Variants in MAX observed in about 807,000 individuals in gnomAD.
MAX encodes the protein protein max.
A neutral mutation model predicts 22.3 loss-of-function variants in MAX; 3 were observed. The ratio of observed to expected loss-of-function variants is 0.13; its 90% CI spans 0.06 to 0.35. MAX has a LOEUF of 0.35. Among genes scored for constraint, MAX ranks in the 10% least tolerant of loss-of-function variants. MAX has a pLI of 1.00. For synonymous variants in MAX, 72 were observed against 77.7 expected, an observed-to-expected ratio of 0.93 and a Z score of 0.39; for missense variants, 119 against 209.4, an observed-to-expected ratio of 0.57 and a Z score of 2.66.
At chr14:65,021,025 C>T (rs1046202646) in intron 3 of MAX, among the ~76,000 whole-genome samples, 5 of 152,210 alleles carry the variant, frequency 3.3e-5, no homozygotes, top group South Asian at 2.1e-4. Context: ...CCACCGCACC[C>T]GGCCTAGCTT....
chr14:65,052,085 G>A (rs762944318), intron 3 of MAX, among the ~76,000 whole-genome samples: 2 of 152,044 alleles, frequency 1.3e-5, no homozygotes, highest in African/African-American at 4.8e-5. Context: ...ATAAGCCATC[G>A]TGCCTGGCCC....
rs1022714550 is a variant in MAX at position 65,012,845 on chromosome 14, A to C, written c.172-6561T>G. 6.6e-6 allele frequency among the ~76,000 whole-genome samples: 1 copy of C among 152,210 alleles called. No homozygotes were observed. The highest frequency in any genetic ancestry group is 1.5e-5 in the Non-Finnish European group (1 of 68,046). On this transcript the variant is annotated intron_variant, in intron 3 of 3. Coordinates refer to the MAX transcript ENST00000341653. This position sits in a 1 kb window ranked among gnomAD's most constrained non-coding sequence, Gnocchi z 5.0. ...CCTTCTAGTAAGTACATTACTTTTCATATCTTCATTAAAGAGACAAAAAAC... is the reference window on the plus strand; with the variant it reads ...CCTTCTAGTAAGTACATTACTTTTCCTATCTTCATTAAAGAGACAAAAAAC...
At chr14:65,039,798 A>G (rs2062303526) in intron 3 of MAX, among the ~76,000 whole-genome samples, 1 of 152,228 alleles carries the variant, frequency 6.6e-6, no homozygotes, top group Admixed American at 6.5e-5. Context: ...TTTTAAAAAT[A>G]ACGTTTATTT....
At chr14:65,041,515 G>A (rs1436003393) in intron 3 of MAX, among the ~76,000 whole-genome samples, 1 of 152,154 alleles carries the variant, frequency 6.6e-6, no homozygotes, top group Non-Finnish European at 1.5e-5. Context: ...GGCCACCAGG[G>A]AGAAGGCATT....
chr14:65,061,669 CCCACT>C, intron 3 of MAX: 58 of 204,340 alleles, frequency 2.8e-4, no homozygotes, highest in East Asian at 9.5e-4. Context: ...ACTGCTGACT[CCCACT>C]TGCACGCCAC....
chr14:65,036,728 C>T lies in MAX; in HGVS notation c.172-30444G>A, dbSNP rs542815587. On this transcript the variant is annotated intron_variant, in intron 3 of 3. Coordinates refer to the MAX transcript ENST00000341653. ...TTTTTGTGTGTGATGGAGTCTTGCT[C>T]TGTCACCCAGGTTGGAGTGCAGTGG... 8.0e-5 allele frequency among the ~76,000 whole-genome samples: 12 copies of T among 150,372 alleles called. No homozygotes were observed. In the East Asian group the frequency reaches 2.2e-3, roughly 28 times the overall value.
Position 65,088,037 on chromosome 14 carries a change from A to G in MAX, c.171+5671T>C, listed in dbSNP as rs2063388617. Among the ~76,000 whole-genome samples, 1 of 152,190 alleles carries G rather than the reference A, an allele frequency of 6.6e-6. No individual in the cohort carries two copies. The highest frequency in any genetic ancestry group is 2.4e-5 in the African/African-American group (1 of 41,446). ...TCTCTCTCTTTGCCTGCTGCCATCC[A>G]TGTAAGACATGACTTGCTCCTCCTT... On this transcript the variant is annotated intron_variant, in intron 3 of 4. Transcript: ENST00000358664. This position sits in a 1 kb window ranked among gnomAD's most constrained non-coding sequence, Gnocchi z 5.2.
chr14:65,063,681 T>C (rs1181468613), intron 3 of MAX, among the ~76,000 whole-genome samples: 1 of 152,004 alleles, frequency 6.6e-6, no homozygotes, highest in Non-Finnish European at 1.5e-5. Flanking sequence ...CTTCCTGCCT[T>C]AGCCTCCCAA....
In MAX at chr14:65,076,216, G is replaced by A. The variant is rs2063051408; in HGVS notation, c.*260C>T. The A allele has an allele frequency of 7.0e-7, 1 of 1,421,154 alleles. No individual in the cohort carries two copies. The highest frequency in any genetic ancestry group is 2.9e-5 in the Admixed American group (1 of 34,220). 88.0% of individuals were successfully genotyped at this position (1,421,154 alleles called of 1,614,324 possible). On this transcript the variant is annotated 3_prime_UTR_variant, in exon 5 of 5. Transcript: ENST00000358664. This position sits in a 1 kb window ranked among gnomAD's most constrained non-coding sequence, Gnocchi z 6.6. Reference sequence around the variant, plus strand: ...TCCACAGAAAAAGCTGCCAAGTTGGGGTGTTTTGGTTTAAAAATTCCTGTT... The same window carrying A: ...TCCACAGAAAAAGCTGCCAAGTTGGAGTGTTTTGGTTTAAAAATTCCTGTT...
At chr14:65,043,828 C>CAA (rs749243788) in intron 3 of MAX, among the ~76,000 whole-genome samples, 1,647 of 64,192 alleles carry the variant, frequency 0.026, 170 homozygotes, top group Non-Finnish European at 0.03. Flanking sequence ...GACTCCGTCT[C>CAA]AAAAAAAAAA....
chr14:65,035,434 C>T (rs2062166525), intron 3 of MAX, among the ~76,000 whole-genome samples: 1 of 152,188 alleles, frequency 6.6e-6, no homozygotes, highest in Admixed American at 6.5e-5. Context: ...ACTGGTTAGG[C>T]ACAGACTAGA....
chr14:65,027,263 G>A lies in MAX; in HGVS notation c.172-20979C>T. ...TACGAAACTCAGAGGAGGGCAGACA[G>A]AAATGATGATAGCTGGAGAGAGAAT... On this transcript the variant is annotated intron_variant, in intron 3 of 3. Transcript: ENST00000341653. This position sits in a 1 kb window ranked among gnomAD's most constrained non-coding sequence, Gnocchi z 5.7. The A allele has an allele frequency of 1.1e-6, 1 of 880,712 alleles. No individual in the cohort carries two copies. Among genetic ancestry groups the A allele is most frequent in the Non-Finnish European group, 1.7e-6 (1 of 591,566 alleles). 54.6% of individuals were successfully genotyped at this position (880,712 alleles called of 1,614,324 possible). A position where few individuals can be genotyped will look rare whatever the true frequency, so the allele number is the denominator to read the frequency against.
rs1194923667 is a variant in MAX, at chr14:65,009,346, C to T, written c.172-3062G>A. On this transcript the variant is annotated intron_variant, in intron 3 of 3. Coordinates refer to the MAX transcript ENST00000341653. The surrounding 1 kb of genome is among the most constrained non-coding windows in gnomAD (Gnocchi z 4.2). ...ATGTTATATTTCTTAATTTCACTGG[C>T]GCTTCACTAACTGCCTTATAATCCT... Among the ~76,000 whole-genome samples, 1 of 151,988 alleles carries T rather than the reference C, an allele frequency of 6.6e-6. No individual in the cohort carries two copies. Among genetic ancestry groups the T allele is most frequent in the African/African-American group, 2.4e-5 (1 of 41,270 alleles).
At chr14:65,049,063 G>A (rs1226657998) in intron 3 of MAX, among the ~76,000 whole-genome samples, 1 of 151,922 alleles carries the variant, frequency 6.6e-6, no homozygotes, top group Non-Finnish European at 1.5e-5. Context: ...GGAGGCGGAG[G>A]TTGCAGTGAG....
intron 3 of MAX, among the ~76,000 whole-genome samples, chr14:65,085,546 A>C (rs1290918136): frequency 6.6e-6 from 1 of 152,196 alleles, no homozygotes; most frequent in Non-Finnish European, 1.5e-5. Context: ...TCCCAGAAGG[A>C]ATAATTAGAT....
chr14:65,055,292 C>T (rs1041166045), intron 3 of MAX, among the ~76,000 whole-genome samples: 1 of 152,152 alleles, frequency 6.6e-6, no homozygotes, highest in South Asian at 2.1e-4. Flanking sequence ...TGCTCTGAGC[C>T]TAGACGTGAG....
rs976791126 is a variant in MAX, at chr14:65,102,407, A to C, written c.-68T>G. 2 of 1,580,798 alleles carry C rather than the reference A, an allele frequency of 1.3e-6. No individual in the cohort carries two copies. Among genetic ancestry groups the C allele is most frequent in the African/African-American group, 2.7e-5 (2 of 73,894 alleles). Reference sequence around the variant, plus strand: ...GGGGAAGGGGTGAAGGGGAGGGGGAAGTCACCGACAACAACAAGCCGAGTC... The same window carrying C: ...GGGGAAGGGGTGAAGGGGAGGGGGACGTCACCGACAACAACAAGCCGAGTC... On this transcript the variant is annotated 5_prime_UTR_variant, in exon 1 of 5. Transcript: ENST00000358664.
intron 2 of MAX, among the ~76,000 whole-genome samples, chr14:65,097,920 A>G (rs1351689862): frequency 6.6e-6 from 1 of 152,204 alleles, no homozygotes; most frequent in Non-Finnish European, 1.5e-5. Context: ...ATTGCCTGGT[A>G]TACATTTCCA....
At chr14:65,061,350 C>T (rs2062862564) in intron 3 of MAX, 1 of 1,612,086 alleles carries the variant, frequency 6.2e-7, no homozygotes, top group South Asian at 1.1e-5. Context: ...TCACCCATCT[C>T]CCCAGTCAGA....
Sources: gnomAD v4.1 joint callset for allele counts (sites outside exome capture counted in the v4.1 genomes callset) on GRCh38, gnomAD v4.1.1 for gene constraint, Gnocchi (gnomAD v3.1) non-coding constraint, MANE v1.5 for transcripts, NCBI Gene and HGNC (gene_info 2026-07-23, HGNC 2026-07-21) for gene names.